The following TNRC6B variants were observed in gnomAD, a reference collection of about 807,000 sequenced individuals.
TNRC6B encodes trinucleotide repeat-containing gene 6B protein.
TNRC6B carries 52 observed loss-of-function variants against 203.6 expected under a neutral mutation model. The observed-to-expected ratio is 0.26, with a 90% confidence interval of 0.20 to 0.32. TNRC6B has a LOEUF of 0.32. Ranked by LOEUF, TNRC6B falls within the 10% of genes least tolerant of loss-of-function variation. TNRC6B has a pLI of 1.00. For synonymous variants in TNRC6B, 838 were observed against 845.7 expected, an observed-to-expected ratio of 0.99 and a Z score of 0.16; for missense variants, 1,923 against 2,286.2, an observed-to-expected ratio of 0.84 and a Z score of 3.24.
At chr22:40,319,920 TA>T (rs778431839) in intron 21 of TNRC6B, among the ~76,000 whole-genome samples, 5 of 152,286 alleles carry the variant, frequency 3.3e-5, no homozygotes, top group East Asian at 1.9e-4. Flanking sequence ...TTTCATCACC[TA>T]AAATTTATCT....
intron 1 of TNRC6B, among the ~76,000 whole-genome samples, chr22:40,244,636 T>C (rs1236821698): frequency 6.6e-6 from 1 of 152,212 alleles, no homozygotes; most frequent in Non-Finnish European, 1.5e-5. Context: ...AAACCTGTTA[T>C]TCACTTAAGC....
At chr22:40,047,585 A>G (rs1001513882) in intron 1 of TNRC6B, among the ~76,000 whole-genome samples, 1 of 152,158 alleles carries the variant, frequency 6.6e-6, no homozygotes, top group African/African-American at 2.4e-5. Flanking sequence ...TCTGGGCAAC[A>G]AGAGCGAAAT....
chr22:40,234,286 C>T (rs1411909455), intron 1 of TNRC6B, among the ~76,000 whole-genome samples: 1 of 152,034 alleles, frequency 6.6e-6, no homozygotes, highest in Non-Finnish European at 1.5e-5. Flanking sequence ...TGTCTCAAAA[C>T]AAACAAACAA....
chr22:40,194,348 T>C (rs1025356825), intron 1 of TNRC6B, among the ~76,000 whole-genome samples: 3 of 152,192 alleles, frequency 2.0e-5, no homozygotes, highest in African/African-American at 7.2e-5. Context: ...TGCCCGAGGC[T>C]ACACAGGTAG....
At chr22:40,146,403 C>CT (rs59426214) in intron 3 of TNRC6B, among the ~76,000 whole-genome samples, 53,846 of 150,328 alleles carry the variant, frequency 0.36, 12,869 homozygotes, top group African/African-American at 0.69. Context: ...GAAATGCTGT[C>CT]TTTTTTTTTG....
At chr22:40,079,202 C>T (rs912204549) in intron 1 of TNRC6B, among the ~76,000 whole-genome samples, 4 of 152,126 alleles carry the variant, frequency 2.6e-5, no homozygotes, top group Non-Finnish European at 4.4e-5. Context: ...CATGAGCCAC[C>T]GTGCCCGGGC....
intron 7 of TNRC6B, 40 bp from the exon 8 acceptor site, chr22:40,277,037 A>T (rs750170831): frequency 6.6e-7 from 1 of 1,512,132 alleles, no homozygotes; most frequent in South Asian, 1.3e-5. Context: ...AGGCTGAAAT[A>T]AATTATTTGG....
rs112173437 is a variant in TNRC6B, at chr22:40,270,466, C to T, written c.2965+186C>T. ...TCCCGAGTAGCTGGGATTACAGGCG[C>T]CCGCCACCACGCCCGGCTAATTTTT... On this transcript the variant is annotated intron_variant, in intron 6 of 22. Coordinates refer to ENST00000454349, the MANE Select transcript of TNRC6B (RefSeq NM_001162501.2). Among the ~76,000 whole-genome samples the T allele has an allele frequency of 2.0e-4, 30 of 152,004 alleles. 1 individual carries two copies. Among genetic ancestry groups the T allele is most frequent in the African/African-American group, 7.2e-4 (30 of 41,448 alleles).
In TNRC6B at chr22:40,181,977, G is replaced by C. The variant is rs574109151; in HGVS notation, c.5+3837G>C. 2.6e-5 allele frequency among the ~76,000 whole-genome samples: 4 copies of C among 151,400 alleles called. No individual in the cohort carries two copies. The East Asian group carries it at 7.7e-4, about 29-fold the overall frequency. ...AAAAAAAAAGCCAGCCGGGCGTGGT[G>C]GCTCACGCCTGTAATCCCAGCACTT... is the stretch of plus-strand genomic sequence containing the variant. On this transcript the variant is annotated intron_variant, in intron 1 of 22. Coordinates refer to ENST00000454349, the MANE Select transcript of TNRC6B (RefSeq NM_001162501.2).
intron 3 of TNRC6B, among the ~76,000 whole-genome samples, chr22:40,138,775 G>A (rs554608252): frequency 6.6e-6 from 1 of 152,094 alleles, no homozygotes. Flanking sequence ...ATTTCAGACT[G>A]TGTCCAACCT....
chr22:40,065,846 T>C (rs1569248447), intron 1 of TNRC6B, among the ~76,000 whole-genome samples: 1 of 152,160 alleles, frequency 6.6e-6, no homozygotes, highest in Non-Finnish European at 1.5e-5. Flanking sequence ...GTTTTTACTC[T>C]GTCTGGTGAG....
chr22:40,173,765 A>T (rs1314593375), upstream of TNRC6B, among the ~76,000 whole-genome samples: 4 of 75,014 alleles, frequency 5.3e-5, no homozygotes, highest in Non-Finnish European at 5.3e-5. Flanking sequence ...CTTTTTCTAG[A>T]TTTTTGAACA....
intron 19 of TNRC6B, 89 bp downstream of exon 19, chr22:40,313,086 A>G (rs2071208688): frequency 9.8e-7 from 1 of 1,021,330 alleles, no homozygotes; most frequent in Non-Finnish European, 1.5e-6. Context: ...ATTTCATAAG[A>G]TATACTCTTA....
At chr22:40,190,735 CCTT>C (rs2069260144) in intron 1 of TNRC6B, among the ~76,000 whole-genome samples, 1 of 152,150 alleles carries the variant, frequency 6.6e-6, no homozygotes, top group East Asian at 1.9e-4. Flanking sequence ...AAGGCCTGCT[CCTT>C]CTCCTTTTCG....
intron 3 of TNRC6B, among the ~76,000 whole-genome samples, chr22:40,155,830 A>G (rs1047342082): frequency 1.7e-4 from 26 of 152,198 alleles, no homozygotes; most frequent in African/African-American, 6.3e-4. Context: ...GGTTATTTGC[A>G]GATTTTTCTA....
intron 17 of TNRC6B, among the ~76,000 whole-genome samples, chr22:40,312,130 T>A (rs1394459751): frequency 6.6e-6 from 1 of 152,256 alleles, no homozygotes; most frequent in African/African-American, 2.4e-5. Flanking sequence ...AGAGCACTGA[T>A]CTCTAGCCCA....
At chr22:40,272,472 A>G (rs919997785) in intron 6 of TNRC6B, among the ~76,000 whole-genome samples, 3 of 152,244 alleles carry the variant, frequency 2.0e-5, no homozygotes, top group African/African-American at 4.8e-5. Context: ...ATATAAAGCT[A>G]TGTACAAATC....
chr22:40,185,019 G>T (rs541726927), intron 1 of TNRC6B, among the ~76,000 whole-genome samples: 4 of 152,048 alleles, frequency 2.6e-5, no homozygotes, highest in Non-Finnish European at 5.9e-5. Context: ...TTTTTGAGAC[G>T]GAGTCTTGCT....
intron 3 of TNRC6B, among the ~76,000 whole-genome samples, chr22:40,139,504 G>T (rs1254630797): frequency 1.3e-5 from 2 of 151,866 alleles, no homozygotes; most frequent in African/African-American, 4.8e-5. Context: ...GCTAATTTTT[G>T]CATTTTTAGT....
Sources: gnomAD v4.1 joint callset for allele counts (sites outside exome capture counted in the v4.1 genomes callset) on GRCh38, gnomAD v4.1.1 for gene constraint, MANE v1.5 for transcripts, NCBI Gene and HGNC (gene_info 2026-07-23, HGNC 2026-07-21) for gene names.